Variants in TBC1D22B observed in about 807,000 individuals in gnomAD.
TBC1D22B encodes chromosome 6 open reading frame 197.
TBC1D22B carries 32 observed loss-of-function variants against 69.1 expected under a neutral mutation model. That is an observed-to-expected ratio of 0.46 (90% CI 0.35 to 0.62). The LOEUF is 0.62. Among genes scored for constraint, TBC1D22B ranks in the 20% least tolerant of loss-of-function variants. The pLI is 0.00. For missense variants in TBC1D22B, 462 were observed against 630.9 expected (o/e 0.73, Z 2.87); for synonymous variants, 206 against 229.8 (o/e 0.90, Z 0.94).
intron 8 of TBC1D22B, among the ~76,000 whole-genome samples, chr6:37,310,925 G>A (rs1767890308): frequency 6.6e-6 from 1 of 152,072 alleles, no homozygotes; most frequent in African/African-American, 2.4e-5. Context: ...GTACCACCTG[G>A]GGAATAAATA....
chr6:37,288,205 T>A (rs1767065622), intron 7 of TBC1D22B, among the ~76,000 whole-genome samples: 1 of 152,220 alleles, frequency 6.6e-6, no homozygotes, highest in Admixed American at 6.5e-5. Context: ...ACCCATAGCA[T>A]AAAGAAGATT....
intron 8 of TBC1D22B, among the ~76,000 whole-genome samples, chr6:37,298,193 A>G (rs1392366579): frequency 1.3e-5 from 2 of 152,154 alleles, no homozygotes; most frequent in African/African-American, 2.4e-5. Flanking sequence ...CTTAAAGTAT[A>G]ATTTAAAAAA....
In TBC1D22B at chr6:37,316,793, C is replaced by G; in HGVS notation, c.1256C>G (p.Pro419Arg). The change falls in exon 11 of 13, where the codon CCT (proline) becomes CGT (arginine). Residue 419 changes from proline to arginine, a missense_variant. By Grantham distance (103) the Pro-to-Arg change is moderately radical (BLOSUM62 -2). Coordinates refer to ENST00000373491, the MANE Select transcript of TBC1D22B (RefSeq NM_017772.4). ...WMNNLLMRELPLRCTIRLWDT... is the reference protein window; with the variant it reads ...WMNNLLMRELRLRCTIRLWDT... ...AACAACCTGCTTATGCGGGAGCTTCCTCTTCGCTGCACCATCCGCCTGTGG... is the reference window on the plus strand; with the variant it reads ...AACAACCTGCTTATGCGGGAGCTTCGTCTTCGCTGCACCATCCGCCTGTGG... The G allele has an allele frequency of 6.2e-7, 1 of 1,614,218 alleles. No individual in the cohort carries two copies. Among genetic ancestry groups the G allele is most frequent in the Non-Finnish European group, 8.5e-7 (1 of 1,180,036 alleles).
chr6:37,262,147 C>A (rs1372918596), intron 1 of TBC1D22B, among the ~76,000 whole-genome samples: 4 of 151,124 alleles, frequency 2.6e-5, no homozygotes, highest in African/African-American at 9.7e-5. Context: ...TCTCCTGCCT[C>A]AGCCTCCTGA....
At chr6:37,266,603 AG>A (rs1766281058) in intron 1 of TBC1D22B, among the ~76,000 whole-genome samples, 1 of 152,018 alleles carries the variant, frequency 6.6e-6, no homozygotes, top group Non-Finnish European at 1.5e-5. Context: ...TTGGGATTAC[AG>A]GTGCCTGCCA....
At chr6:37,310,253 C>T (rs934927247) in intron 8 of TBC1D22B, among the ~76,000 whole-genome samples, 2 of 147,594 alleles carry the variant, frequency 1.4e-5, no homozygotes, top group Non-Finnish European at 3.0e-5. Context: ...AAAAAACCTA[C>T]ATAGTAAATG....
intron 5 of TBC1D22B, among the ~76,000 whole-genome samples, chr6:37,283,997 C>T (rs541416359): frequency 6.6e-6 from 1 of 152,370 alleles, no homozygotes; most frequent in East Asian, 1.9e-4. Context: ...CCCTCCGAGG[C>T]CATGACTTGG....
intron 2 of TBC1D22B, 55 bp from the exon 3 acceptor site, chr6:37,279,249 T>C (rs1766751838): frequency 7.0e-7 from 1 of 1,423,398 alleles, no homozygotes; most frequent in Non-Finnish European, 9.6e-7. Flanking sequence ...TAAGCAAATG[T>C]AGGTGGTCAG....
At chr6:37,297,480 G>A (rs1767420350) in intron 8 of TBC1D22B, among the ~76,000 whole-genome samples, 2 of 152,170 alleles carry the variant, frequency 1.3e-5, no homozygotes, top group Admixed American at 1.3e-4. Flanking sequence ...CATTTTATAA[G>A]GTGAAATATC....
intron 2 of TBC1D22B, among the ~76,000 whole-genome samples, chr6:37,278,860 G>A (rs1019597740): frequency 6.6e-6 from 1 of 151,970 alleles, no homozygotes; most frequent in African/African-American, 2.4e-5. Context: ...TTGAGCCCAG[G>A]AGGTCAAGGC....
At chr6:37,330,002 T>C (rs1323646326) in intron 12 of TBC1D22B, among the ~76,000 whole-genome samples, 1 of 152,188 alleles carries the variant, frequency 6.6e-6, no homozygotes. Flanking sequence ...CACTGAGAAC[T>C]GCAGAATGCT....
At chr6:37,291,485 A>T (rs537098326) in intron 8 of TBC1D22B, 128 bp downstream of exon 8, 2 of 634,940 alleles carry the variant, frequency 3.1e-6, no homozygotes, top group Middle Eastern at 4.4e-4. Flanking sequence ...CCTTTGGCAT[A>T]CACAGCTAAA....
intron 2 of TBC1D22B, among the ~76,000 whole-genome samples, chr6:37,277,965 CAA>C (rs796225372): frequency 7.3e-6 from 1 of 137,786 alleles, no homozygotes; most frequent in Non-Finnish European, 1.6e-5. Flanking sequence ...CCTTATCTCT[CAA>C]AAAAAAAAAA....
At chr6:37,268,341 G>A (rs7764918) in intron 1 of TBC1D22B, among the ~76,000 whole-genome samples, 4,824 of 151,966 alleles carry the variant, frequency 0.032, 241 homozygotes, top group African/African-American at 0.11. Flanking sequence ...CGATCCCCCC[G>A]TCTCAGCCTC....
chr6:37,321,191 C>T (rs528158399), intron 12 of TBC1D22B, among the ~76,000 whole-genome samples: 2 of 128,066 alleles, frequency 1.6e-5, no homozygotes, highest in East Asian at 5.3e-4. Flanking sequence ...GGGAAACTGT[C>T]ATAGCAAGAT....
chr6:37,322,730 G>A (rs560664717), intron 12 of TBC1D22B, among the ~76,000 whole-genome samples: 4 of 152,288 alleles, frequency 2.6e-5, no homozygotes, highest in South Asian at 4.1e-4. Context: ...GTCAGACCTC[G>A]GGACAGGAAC....
chr6:37,283,899 A>C (rs1222329507), intron 5 of TBC1D22B, among the ~76,000 whole-genome samples: 1 of 152,230 alleles, frequency 6.6e-6, no homozygotes, highest in Non-Finnish European at 1.5e-5. Flanking sequence ...TGTAACTGGC[A>C]CCAACTTACT....
At chr6:37,276,904 AT>A (rs1766687911) in intron 2 of TBC1D22B, among the ~76,000 whole-genome samples, 1 of 142,422 alleles carries the variant, frequency 7.0e-6, no homozygotes, top group African/African-American at 3.1e-5. Flanking sequence ...ACAAACAAAA[AT>A]ATATATATAT....
chr6:37,282,156 C>G (rs114395787), intron 3 of TBC1D22B, 29 bp from the exon 4 acceptor site: 4 of 1,611,558 alleles, frequency 2.5e-6, no homozygotes, highest in Non-Finnish European at 3.4e-6. Flanking sequence ...TCACACAGCC[C>G]GTTCTCTTTC....
Sources: gnomAD v4.1 joint callset for allele counts (sites outside exome capture counted in the v4.1 genomes callset) on GRCh38, gnomAD v4.1.1 for gene constraint, MANE v1.5 for transcripts, NCBI Gene and HGNC (gene_info 2026-07-23, HGNC 2026-07-21) for gene names.